LUZP2: variants seen among roughly 807,000 people sequenced by gnomAD.
The protein encoded by LUZP2 is leucine zipper protein 2.
LUZP2 carries 52 observed loss-of-function variants against 51.6 expected under a neutral mutation model. The observed-to-expected ratio is 1.01, with a 90% CI of 0.81 to 1.27. The LOEUF is 1.27. Ranked by LOEUF, LUZP2 falls within the 50% of genes most tolerant of loss-of-function variation. The probability of loss-of-function intolerance (pLI) is 0.00; values close to 1 mark genes in which losing one functional copy is unlikely to be tolerated. For synonymous variants in LUZP2, 154 were observed against 137.3 expected (o/e 1.12, Z -0.85); for missense variants, 436 against 395.4 (o/e 1.10, Z -0.87).
At chr11:25,027,346 CTT>C (rs1433818677) in intron 9 of LUZP2, among the ~76,000 whole-genome samples, 1 of 152,032 alleles carries the variant, frequency 6.6e-6, no homozygotes, top group African/African-American at 2.4e-5. Flanking sequence ...TAATTCTCCT[CTT>C]GATTAATAAT....
chr11:24,920,062 T>A (rs1853985704), intron 7 of LUZP2, among the ~76,000 whole-genome samples: 1 of 151,826 alleles, frequency 6.6e-6, no homozygotes, highest in Non-Finnish European at 1.5e-5. Flanking sequence ...GTTTAAAGAT[T>A]TAAGTCACTT....
intron 9 of LUZP2, among the ~76,000 whole-genome samples, chr11:25,040,676 T>C (rs112103959): frequency 1.1e-4 from 16 of 152,300 alleles, no homozygotes; most frequent in African/African-American, 3.1e-4. Flanking sequence ...AGTTCTGTGA[T>C]GTTTTAAGCA....
At chr11:24,900,449 G>A (rs1400397131) in intron 5 of LUZP2, among the ~76,000 whole-genome samples, 1 of 152,096 alleles carries the variant, frequency 6.6e-6, no homozygotes, top group Admixed American at 6.6e-5. Context: ...TTATGTATAT[G>A]CAGATTTCCA....
chr11:24,779,701 A>G (rs1275255339), intron 5 of LUZP2, among the ~76,000 whole-genome samples: 1 of 152,184 alleles, frequency 6.6e-6, no homozygotes, highest in Non-Finnish European at 1.5e-5. Context: ...GCAAACTTAT[A>G]AGGCAAAAAT....
intron 1 of LUZP2, among the ~76,000 whole-genome samples, chr11:24,566,017 A>G (rs1339666319): frequency 6.6e-6 from 1 of 151,976 alleles, no homozygotes; most frequent in Non-Finnish European, 1.5e-5. Context: ...TTGTAATGTA[A>G]ACGATAGAAA....
intron 1 of LUZP2, among the ~76,000 whole-genome samples, chr11:24,558,428 G>A (rs1252011397): frequency 6.8e-6 from 1 of 146,242 alleles, no homozygotes; most frequent in East Asian, 2.0e-4. Flanking sequence ...CTGTCTCTCT[G>A]GAGAACTCTG....
intron 1 of LUZP2, among the ~76,000 whole-genome samples, chr11:24,702,413 A>G (rs1857446173): frequency 6.6e-6 from 1 of 152,214 alleles, no homozygotes; most frequent in South Asian, 2.1e-4. Context: ...AAAAAAGAAA[A>G]GAGGTTTGAT....
chr11:24,968,920 C>T (rs1351564472), intron 7 of LUZP2, among the ~76,000 whole-genome samples: 1 of 152,188 alleles, frequency 6.6e-6, no homozygotes, highest in African/African-American at 2.4e-5. Flanking sequence ...AATTGGTTCA[C>T]AGTTGTTTAT....
intron 1 of LUZP2, among the ~76,000 whole-genome samples, chr11:24,715,862 C>T (rs965221130): frequency 9.1e-4 from 139 of 151,964 alleles, no homozygotes; most frequent in African/African-American, 3.3e-3. Context: ...AAAATATATA[C>T]TACTTCATTA....
chr11:25,037,318 C>G (rs1292007643), intron 9 of LUZP2, among the ~76,000 whole-genome samples: 2 of 152,078 alleles, frequency 1.3e-5, no homozygotes, highest in Non-Finnish European at 2.9e-5. Context: ...AGCTCTTATT[C>G]TACCCTTTGA....
chr11:24,782,581 A>T (rs999289865), intron 5 of LUZP2, among the ~76,000 whole-genome samples: 1 of 151,832 alleles, frequency 6.6e-6, no homozygotes, highest in Admixed American at 6.6e-5. Flanking sequence ...CTGCTATACA[A>T]CTGTCTTGCT....
At chr11:24,876,350 A>C (rs1852261620) in intron 5 of LUZP2, among the ~76,000 whole-genome samples, 1 of 150,206 alleles carries the variant, frequency 6.7e-6, no homozygotes, top group African/African-American at 2.5e-5. Context: ...TTTATTAAAT[A>C]GGGAATCCTT....
rs1026151436 is a variant in LUZP2 at position 24,530,718 on chromosome 11, C to A, written c.62+33413C>A. ...TTTCATTTTTTGATCTTCATATTGA[C>A]ATATATCTCAGCAGCAGTTAACCTA... On this transcript the variant is annotated intron_variant, in intron 1 of 11. Transcript: ENST00000336930. Among the ~76,000 whole-genome samples the A allele has an allele frequency of 4.8e-4, 67 of 139,338 alleles. 1 individual carries two copies. Among genetic ancestry groups the A allele is most frequent in the African/African-American group, 1.7e-3 (65 of 38,748 alleles). 91.4% of individuals were successfully genotyped at this position (139,338 alleles called of 152,430 possible). A position where few individuals can be genotyped will look rare whatever the true frequency, so the allele number is the denominator to read the frequency against.
At chr11:24,692,593 A>G (rs1386430683) in intron 1 of LUZP2, among the ~76,000 whole-genome samples, 2 of 152,066 alleles carry the variant, frequency 1.3e-5, no homozygotes, top group Non-Finnish European at 2.9e-5. Flanking sequence ...TCTCTGCAGC[A>G]TATTTAGTGG....
chr11:25,073,159 A>C (rs1590899328), intron 10 of LUZP2, among the ~76,000 whole-genome samples: 1 of 152,174 alleles, frequency 6.6e-6, no homozygotes, highest in South Asian at 2.1e-4. Flanking sequence ...AGGATTACAC[A>C]TGACCATTGC....
chr11:24,645,249 C>A (rs2133952194), intron 1 of LUZP2, among the ~76,000 whole-genome samples: 1 of 152,212 alleles, frequency 6.6e-6, no homozygotes, highest in Admixed American at 6.6e-5. Flanking sequence ...ATCCCCACCT[C>A]CCTTTCCATT....
At chr11:24,964,942 G>T (rs900592778) in intron 7 of LUZP2, among the ~76,000 whole-genome samples, 1 of 151,740 alleles carries the variant, frequency 6.6e-6, no homozygotes. Flanking sequence ...TAATGATAGA[G>T]TAAGTAAAAG....
intron 5 of LUZP2, among the ~76,000 whole-genome samples, chr11:24,822,236 T>G (rs1850383500): frequency 6.6e-6 from 1 of 152,196 alleles, no homozygotes; most frequent in African/African-American, 2.4e-5. Flanking sequence ...TTTTCATTTC[T>G]GTGATCTGCT....
At chr11:24,926,329 A>ATATATATATATGTGTG (rs1854244820) in intron 7 of LUZP2, among the ~76,000 whole-genome samples, 1 of 23,110 alleles carries the variant, frequency 4.3e-5, no homozygotes, top group African/African-American at 3.0e-4. Flanking sequence ...ACGTGTGTGT[A>ATATATATATATGTGTG]TATATATATA....
Sources: gnomAD v4.1 joint callset for allele counts (sites outside exome capture counted in the v4.1 genomes callset) on GRCh38, gnomAD v4.1.1 for gene constraint, MANE v1.5 for transcripts, NCBI Gene and HGNC (gene_info 2026-07-23, HGNC 2026-07-21) for gene names.